The following STEEP1 variants were observed in gnomAD, a reference collection of about 807,000 sequenced individuals.
STEEP1 encodes STING ER exit protein.
Under a neutral mutation model 19.2 loss-of-function variants are expected in STEEP1, and 3 were observed. That is an observed-to-expected ratio of 0.16 (90% CI 0.07 to 0.40). The LOEUF (loss-of-function observed/expected upper bound fraction) is 0.40, where lower values mean the gene tolerates loss of function less well. STEEP1 is among the 10% of genes least tolerant of loss of function. The pLI is 0.99. For synonymous variants in STEEP1, 46 were observed against 63.7 expected (o/e 0.72, Z 1.32); for missense variants, 54 against 177.1 (o/e 0.30, Z 3.94).
At chrX:119,541,680 C>A (rs943437257) in intron 5 of STEEP1, among the ~76,000 whole-genome samples, 1 of 112,108 alleles carries the variant, frequency 8.9e-6, no homozygotes, top group African/African-American at 3.2e-5. Context: ...TCTTGGCTCA[C>A]TGCAACCTCC....
chrX:119,543,835 A>T (rs1463511257), intron 4 of STEEP1, among the ~76,000 whole-genome samples: 1 of 112,237 alleles, frequency 8.9e-6, no homozygotes, highest in Non-Finnish European at 1.9e-5. Context: ...TTCAAAAAAA[A>T]ATTTGTAAAA....
chrX:119,546,824 G>A (rs1206389288), intron 2 of STEEP1, among the ~76,000 whole-genome samples: 2 of 111,425 alleles, frequency 1.8e-5, no homozygotes, highest in East Asian at 2.8e-4. Context: ...TTGTCTCCAC[G>A]TTCCTGCCAC....
intron 6 of STEEP1, among the ~76,000 whole-genome samples, chrX:119,540,180 T>C (rs1020109132): frequency 8.9e-6 from 1 of 112,336 alleles, no homozygotes; most frequent in Admixed American, 9.5e-5. Flanking sequence ...GAACTATTTG[T>C]TATTGGTCCA....
rs183856535 is a variant in STEEP1 at position 119,558,491 on chromosome X, C to T, written c.242+1777G>A. On this transcript the variant is annotated intron_variant, in intron 2 of 6. Coordinates refer to ENST00000644802, the MANE Select transcript of STEEP1 (RefSeq NM_022101.4). ...GGCAGAGCTTGCAGTGAGCCGAGAT[C>T]GCGCCACTGTACTCCAGCCTGGGTG... Among the ~76,000 whole-genome samples, 1,047 of 111,349 alleles carry T rather than the reference C, an allele frequency of 9.4e-3. 37 individuals are homozygous for T. In the East Asian group the frequency reaches 0.096, roughly 10 times the overall value.
chrX:119,557,335 T>G (rs1294706352), intron 2 of STEEP1, among the ~76,000 whole-genome samples: 1 of 107,545 alleles, frequency 9.3e-6, no homozygotes, highest in Non-Finnish European at 1.9e-5. Context: ...CAGTGGCTCA[T>G]GCCTGTGATC....
intron 2 of STEEP1, among the ~76,000 whole-genome samples, chrX:119,554,715 G>C (rs757556083): frequency 1.6e-4 from 18 of 111,743 alleles, no homozygotes; most frequent in African/African-American, 5.8e-4. Flanking sequence ...CAGCCTTATG[G>C]AAAGATCCCT....
intron 1 of STEEP1, among the ~76,000 whole-genome samples, chrX:119,563,859 A>C (rs1198034783): frequency 8.9e-6 from 1 of 112,143 alleles, no homozygotes. Context: ...TTTTGGTCTG[A>C]GATACTGGAT....
rs1183928699 is a variant in STEEP1, at chrX:119,538,985, G to T, written c.*742C>A. 1 of 111,493 alleles carries T rather than the reference G, an allele frequency of 9.0e-6. No homozygotes were observed. The highest frequency in any genetic ancestry group is 1.9e-5 in the Non-Finnish European group (1 of 53,118). The allele number at this position is 111,493 out of a possible 1,213,427, so 9.2% of individuals were successfully genotyped here. A position where few individuals can be genotyped will look rare whatever the true frequency, so the allele number is the denominator to read the frequency against. ...GAACAGAGACAGAGTCACTTCAAAG[G>T]ATCTGACTTGCTATACCTAAATATA... On this transcript the variant is annotated 3_prime_UTR_variant, in exon 7 of 7. Transcript: ENST00000644802.
chrX:119,552,880 C>A (rs911408312), intron 2 of STEEP1, among the ~76,000 whole-genome samples: 2 of 111,586 alleles, frequency 1.8e-5, no homozygotes, highest in African/African-American at 6.5e-5. Context: ...AACTAAATCT[C>A]GGCTGGGTGT....
In STEEP1 at chrX:119,539,080, T is replaced by G. The variant is rs1278196364; in HGVS notation, c.*647A>C. 2 of 111,957 alleles carry G rather than the reference T, an allele frequency of 1.8e-5. No homozygotes were observed. The highest frequency in any genetic ancestry group is 3.8e-5 in the Non-Finnish European group (2 of 53,198). The allele number at this position is 111,957 out of a possible 1,213,427, so 9.2% of individuals were successfully genotyped here. Reference sequence around the variant, plus strand: ...AAATCTTGCAACATGTTATTAACTTTGAAGAAAGAATAAAAGCAGCCACTT... The same window carrying G: ...AAATCTTGCAACATGTTATTAACTTGGAAGAAAGAATAAAAGCAGCCACTT... On this transcript the variant is annotated 3_prime_UTR_variant, in exon 7 of 7. Transcript: ENST00000644802.
intron 1 of STEEP1, among the ~76,000 whole-genome samples, chrX:119,563,102 T>C (rs2053331878): frequency 8.9e-6 from 1 of 112,112 alleles, no homozygotes; most frequent in African/African-American, 3.2e-5. Flanking sequence ...TTGGTATGGA[T>C]GGACTTTGGT....
chrX:119,558,041 G>A (rs2053293722), intron 2 of STEEP1, among the ~76,000 whole-genome samples: 1 of 110,331 alleles, frequency 9.1e-6, no homozygotes, highest in African/African-American at 3.3e-5. Flanking sequence ...CGAGTAGCTG[G>A]GATTACAGGC....
chrX:119,540,538 C>CA (rs57120768), intron 6 of STEEP1, among the ~76,000 whole-genome samples: 1,148 of 108,926 alleles, frequency 0.011, 13 homozygotes, highest in African/African-American at 0.035. Flanking sequence ...AAGTAATTGT[C>CA]AAAAAAAAAT....
chrX:119,539,810 T>A (rs1300706245), intron 6 of STEEP1, 21 bp from the exon 7 acceptor site: 1 of 1,135,093 alleles, frequency 8.8e-7, no homozygotes, highest in African/African-American at 1.8e-5. Flanking sequence ...AAAAAAAGCA[T>A]ATGTCTTGAT....
At chrX:119,561,263 G>C (rs2053319098) in intron 1 of STEEP1, among the ~76,000 whole-genome samples, 1 of 111,172 alleles carries the variant, frequency 9.0e-6, no homozygotes, top group South Asian at 3.8e-4. Context: ...GGAAGAGAGA[G>C]GGTGATTATA....
intron 2 of STEEP1, among the ~76,000 whole-genome samples, chrX:119,551,880 G>T (rs994281813): frequency 6.8e-5 from 7 of 102,690 alleles, no homozygotes; most frequent in African/African-American, 2.1e-4. Context: ...GATACCAGTC[G>T]CAAGTCCAGG....
At chrX:119,539,840 T>G (rs2053151189) in intron 6 of STEEP1, 51 bp from the exon 7 acceptor site, 5 of 1,015,716 alleles carry the variant, frequency 4.9e-6, no homozygotes, top group Non-Finnish European at 6.9e-6. Flanking sequence ...GAAATTATTT[T>G]CCTTCCTTAT....
rs149162349 is a variant in STEEP1, at chrX:119,561,289, C to T, written c.125-904G>A. On this transcript the variant is annotated intron_variant, in intron 1 of 6. Transcript: ENST00000644802. ...GGTGATTATATAGTATGCAAATGAT[C>T]CATCCTAGTTGGAGGAATTTTAATC... Among the ~76,000 whole-genome samples, 934 of 111,435 alleles carry T rather than the reference C, an allele frequency of 8.4e-3. 7 individuals are homozygous for T. The highest frequency in any genetic ancestry group is 0.014 in the Middle Eastern group (3 of 218).
intron 4 of STEEP1, among the ~76,000 whole-genome samples, chrX:119,543,013 AAAAAAAAAAAAAG>A (rs1446481708): frequency 6.7e-5 from 7 of 104,186 alleles, no homozygotes; most frequent in Non-Finnish European, 9.8e-5. Context: ...AAAAAAAAAA[AAAAAAAAAAAAAG>A]AAGGACAGAA....
Sources: gnomAD v4.1 joint callset for allele counts (sites outside exome capture counted in the v4.1 genomes callset) on GRCh38, gnomAD v4.1.1 for gene constraint, MANE v1.5 for transcripts, NCBI Gene and HGNC (gene_info 2026-07-23, HGNC 2026-07-21) for gene names.